Variants in CNTNAP5 observed in about 807,000 individuals in gnomAD.
The protein encoded by CNTNAP5 is contactin-associated protein-like 5.
A neutral mutation model predicts 150.2 loss-of-function variants in CNTNAP5; 72 were observed. The observed-to-expected ratio is 0.48, with a 90% CI of 0.40 to 0.58. CNTNAP5 has a LOEUF of 0.58. Ranked by LOEUF, CNTNAP5 falls within the 20% of genes least tolerant of loss-of-function variation. CNTNAP5 has a pLI of 0.00. For missense variants in CNTNAP5, 1,636 were observed against 1,626.2 expected, an observed-to-expected ratio of 1.01 and a Z score of -0.10; for synonymous variants, 672 against 619.8, an observed-to-expected ratio of 1.08 and a Z score of -1.25.
chr2:124,090,778 C>G (rs1483650950), intron 1 of CNTNAP5, among the ~76,000 whole-genome samples: 3 of 152,028 alleles, frequency 2.0e-5, no homozygotes, highest in African/African-American at 7.2e-5. Flanking sequence ...TTTTTCAAAC[C>G]ATTATTATCA....
At position 124,869,667 on chromosome 2, in the gene CNTNAP5, TC is replaced by T. The variant is rs757957560; in HGVS notation, c.3349-6del. The T allele has an allele frequency of 3.1e-6, 5 of 1,602,176 alleles. No homozygotes were observed. The highest frequency in any genetic ancestry group is 4.3e-6 in the Non-Finnish European group (5 of 1,169,946). On this transcript the variant is annotated splice_polypyrimidine_tract_variant and splice_region_variant and intron_variant, in intron 20 of 23. Coordinates refer to ENST00000682447, the MANE Select transcript of CNTNAP5 (RefSeq NM_001367498.1). ...GCTGATGTGCCTTTGTTTTCTGTTT[TC>T]CTGCAGATGGACCAGCAACTTCGAC...
At chr2:124,223,056 T>C (rs1214088150) in intron 2 of CNTNAP5, among the ~76,000 whole-genome samples, 2 of 152,200 alleles carry the variant, frequency 1.3e-5, no homozygotes, top group Non-Finnish European at 2.9e-5. Flanking sequence ...TTAAGCATTT[T>C]AGTTTTATTA....
intron 3 of CNTNAP5, among the ~76,000 whole-genome samples, chr2:124,308,058 G>T (rs1274056677): frequency 6.6e-6 from 1 of 152,096 alleles, no homozygotes; most frequent in Non-Finnish European, 1.5e-5. Flanking sequence ...CCTACACTTG[G>T]CTATAATGTT....
intron 8 of CNTNAP5, among the ~76,000 whole-genome samples, chr2:124,517,912 G>T (rs954109260): frequency 6.6e-6 from 1 of 151,410 alleles, no homozygotes; most frequent in African/African-American, 2.4e-5. Flanking sequence ...TGGTGAAGAG[G>T]GGTTGTGGTG....
chr2:124,137,302 G>GT (rs11441547), intron 1 of CNTNAP5, among the ~76,000 whole-genome samples: 91,075 of 150,692 alleles, frequency 0.6, 27,939 homozygotes, highest in South Asian at 0.66. Flanking sequence ...TTCCTCTGTA[G>GT]TTTTTTTTTC....
Position 124,025,352 on chromosome 2 carries a change from T to C in CNTNAP5, c.-299T>C, listed in dbSNP as rs1208713923. Reference sequence around the variant, plus strand: ...CACCGAGCTCCGGCGCCTGTCGTTCTAATTGGGTTTGGATTTGCACCGTTA... The same window carrying C: ...CACCGAGCTCCGGCGCCTGTCGTTCCAATTGGGTTTGGATTTGCACCGTTA... On this transcript the variant is annotated 5_prime_UTR_variant, in exon 1 of 24. Coordinates refer to ENST00000682447, the MANE Select transcript of CNTNAP5 (RefSeq NM_001367498.1). 8.3e-6 allele frequency: 3 copies of C among 360,910 alleles called. No individual in the cohort carries two copies. Among genetic ancestry groups the C allele is most frequent in the African/African-American group, 6.2e-5 (3 of 48,680 alleles). 22.4% of individuals were successfully genotyped at this position (360,910 alleles called of 1,614,324 possible). A position where few individuals can be genotyped will look rare whatever the true frequency, so the allele number is the denominator to read the frequency against.
chr2:124,120,423 G>A (rs950937080), intron 1 of CNTNAP5, among the ~76,000 whole-genome samples: 27 of 152,184 alleles, frequency 1.8e-4, no homozygotes, highest in African/African-American at 5.8e-4. Flanking sequence ...GCCAGGTCTG[G>A]ACAAGTACTC....
intron 10 of CNTNAP5, among the ~76,000 whole-genome samples, chr2:124,549,728 T>A (rs1049813013): frequency 1.3e-5 from 2 of 152,250 alleles, no homozygotes; most frequent in East Asian, 1.9e-4. Flanking sequence ...ATTGCTTTTT[T>A]TCTTCAAATT....
In CNTNAP5 at chr2:124,128,214, G is replaced by GA. The variant is rs983810670; in HGVS notation, c.83-93484dup. Among the ~76,000 whole-genome samples, 3 of 151,898 alleles carry GA rather than the reference G, an allele frequency of 2.0e-5. No homozygotes were observed. The South Asian group carries it at 6.2e-4, about 32-fold the overall frequency. ...ACAAAGAACTTCAACAAATTTACAAGAAAAAAATCAAACAATCCCATCAAA... is the reference window on the plus strand; with the variant it reads ...ACAAAGAACTTCAACAAATTTACAAGAAAAAAAATCAAACAATCCCATCAAA... On this transcript the variant is annotated intron_variant, in intron 1 of 23. Coordinates refer to ENST00000682447, the MANE Select transcript of CNTNAP5 (RefSeq NM_001367498.1).
chr2:124,164,803 G>A (rs1440305867), intron 1 of CNTNAP5, among the ~76,000 whole-genome samples: 1 of 152,134 alleles, frequency 6.6e-6, no homozygotes, highest in Admixed American at 6.6e-5. Flanking sequence ...AAATGAGGCC[G>A]TTTCAATATT....
chr2:124,599,408 T>C (rs2104971212), intron 11 of CNTNAP5, among the ~76,000 whole-genome samples: 1 of 152,302 alleles, frequency 6.6e-6, no homozygotes. Flanking sequence ...TTTTTTGGAT[T>C]AAACATTCCC....
chr2:124,178,096 C>T (rs1685112999), intron 1 of CNTNAP5, among the ~76,000 whole-genome samples: 1 of 152,120 alleles, frequency 6.6e-6, no homozygotes, highest in Admixed American at 6.5e-5. Context: ...ATCCACCCGC[C>T]TCGGCCTCCC....
chr2:124,777,409 C>A (rs751588694), intron 17 of CNTNAP5, among the ~76,000 whole-genome samples: 1 of 152,082 alleles, frequency 6.6e-6, no homozygotes, highest in African/African-American at 2.4e-5. Flanking sequence ...GAGTCTCTCT[C>A]CATCGCCCAG....
At chr2:124,911,225 C>T (rs1678648357) in intron 22 of CNTNAP5, among the ~76,000 whole-genome samples, 1 of 151,954 alleles carries the variant, frequency 6.6e-6, no homozygotes, top group Non-Finnish European at 1.5e-5. Flanking sequence ...TCTGTTTTAA[C>T]CCCTTATCTT....
At chr2:124,820,477 A>G (rs1426448188) in intron 19 of CNTNAP5, among the ~76,000 whole-genome samples, 1 of 152,080 alleles carries the variant, frequency 6.6e-6, no homozygotes, top group Non-Finnish European at 1.5e-5. Context: ...GGGGAAAAAA[A>G]AAACAATAAA....
intron 1 of CNTNAP5, among the ~76,000 whole-genome samples, chr2:124,103,499 C>A (rs1054706094): frequency 6.6e-6 from 1 of 151,876 alleles, no homozygotes; most frequent in African/African-American, 2.4e-5. Flanking sequence ...ATGCCCAATA[C>A]AAGTGTACCA....
intron 19 of CNTNAP5, among the ~76,000 whole-genome samples, chr2:124,823,122 A>G (rs1335452337): frequency 1.3e-5 from 2 of 152,192 alleles, no homozygotes; most frequent in Non-Finnish European, 2.9e-5. Context: ...CATTCACACA[A>G]CAGGTATACT....
chr2:124,451,186 T>C (rs1014915755), intron 6 of CNTNAP5, among the ~76,000 whole-genome samples: 2 of 150,032 alleles, frequency 1.3e-5, no homozygotes, highest in Admixed American at 6.7e-5. Flanking sequence ...TCATAGATAC[T>C]GAAAAGGCAT....
chr2:124,486,748 A>G (rs549185938), intron 7 of CNTNAP5, among the ~76,000 whole-genome samples: 1 of 152,296 alleles, frequency 6.6e-6, no homozygotes, highest in South Asian at 2.1e-4. Flanking sequence ...AATTAGTAAA[A>G]TGTCAATTTA....
Sources: allele counts gnomAD v4.1 joint callset (sites outside exome capture counted in the v4.1 genomes callset), GRCh38; gene constraint gnomAD v4.1.1; transcripts MANE v1.5; gene names NCBI Gene and HGNC (gene_info 2026-07-23, HGNC 2026-07-21).